KLHL29: variants seen among roughly 807,000 people sequenced by gnomAD.
KLHL29 encodes kelch like family member 29, also known as kelch-like protein 29.
Under a neutral mutation model 80.4 loss-of-function variants are expected in KLHL29, and 21 were observed. That is an observed-to-expected ratio of 0.26 (90% confidence interval 0.19 to 0.38). KLHL29 has a LOEUF of 0.38. Among genes scored for constraint, KLHL29 ranks in the 10% least tolerant of loss-of-function variants. The probability of loss-of-function intolerance (pLI) is 1.00; values close to 1 mark genes in which losing one functional copy is unlikely to be tolerated. For synonymous variants in KLHL29, 511 were observed against 526.8 expected (o/e 0.97, Z 0.41); for missense variants, 867 against 1,223.9 (o/e 0.71, Z 4.35).
Position 23,647,286 on chromosome 2 carries a change from T to C in KLHL29, c.940+4436T>C, listed in dbSNP as rs1669964435. Among the ~76,000 whole-genome samples, 1 of 152,176 alleles carries C rather than the reference T, an allele frequency of 6.6e-6. No homozygotes were observed. Among genetic ancestry groups the C allele is most frequent in the Admixed American group, 6.5e-5 (1 of 15,280 alleles). ...GTTCCTTCCACAGCCTCCATAAATA[T>C]TCTGGAAGAAGCTGGGAATGCATGA... is the stretch of plus-strand genomic sequence containing the variant. On this transcript the variant is annotated intron_variant, in intron 5 of 13. Coordinates refer to ENST00000486442, the MANE Select transcript of KLHL29 (RefSeq NM_052920.2). The surrounding 1 kb of genome is among the most constrained non-coding windows in gnomAD (Gnocchi z 4.9).
At chr2:23,484,239 C>A (rs556708835) in intron 2 of KLHL29, among the ~76,000 whole-genome samples, 1 of 152,176 alleles carries the variant, frequency 6.6e-6, no homozygotes, top group African/African-American at 2.4e-5. Context: ...TATTTTCACC[C>A]TTTCTTGTAA....
intron 1 of KLHL29, among the ~76,000 whole-genome samples, chr2:23,418,867 A>T (rs1662690574): frequency 6.6e-6 from 1 of 152,052 alleles, no homozygotes; most frequent in Admixed American, 6.5e-5. Context: ...GTCAATCCTG[A>T]TCCCCCCTTC....
intron 2 of KLHL29, among the ~76,000 whole-genome samples, chr2:23,487,619 C>G (rs1180226288): frequency 7.2e-5 from 11 of 152,000 alleles, no homozygotes; most frequent in Admixed American, 6.5e-4. Context: ...CAGGACTTGC[C>G]CCCAGTGCCC....
chr2:23,651,469 T>G (rs1190208097), intron 5 of KLHL29, among the ~76,000 whole-genome samples: 1 of 152,030 alleles, frequency 6.6e-6, no homozygotes, highest in Admixed American at 6.5e-5. Context: ...GTGTATTCGT[T>G]TTTCACCAAC....
At chr2:23,537,417 TACACACACAC>T (rs5741924) in intron 2 of KLHL29, among the ~76,000 whole-genome samples, 3,934 of 149,060 alleles carry the variant, frequency 0.026, 76 homozygotes, top group Middle Eastern at 0.045. Context: ...GGGCAGAAAC[TACACACACAC>T]ACACACACAC....
chr2:23,411,308 C>T (rs1389584038), intron 1 of KLHL29, among the ~76,000 whole-genome samples: 1 of 149,686 alleles, frequency 6.7e-6, no homozygotes, highest in Non-Finnish European at 1.5e-5. Flanking sequence ...ACAGATGTGT[C>T]AGAGGAAGTG....
At chr2:23,568,146 GGAA>G (rs1475106473) in intron 3 of KLHL29, among the ~76,000 whole-genome samples, 1 of 151,796 alleles carries the variant, frequency 6.6e-6, no homozygotes, top group Non-Finnish European at 1.5e-5. Flanking sequence ...GCAAAAAGAG[GGAA>G]GAAGATGTAT....
intron 1 of KLHL29, among the ~76,000 whole-genome samples, chr2:23,441,561 T>C (rs1663525086): frequency 6.6e-6 from 1 of 152,016 alleles, no homozygotes; most frequent in African/African-American, 2.4e-5. Context: ...ATTTATTTGC[T>C]CAGAATTCTG....
chr2:23,545,387 G>A (rs537423054), intron 2 of KLHL29, among the ~76,000 whole-genome samples: 2 of 152,334 alleles, frequency 1.3e-5, no homozygotes, highest in Admixed American at 6.5e-5. Flanking sequence ...TATGACACAC[G>A]CAGTTTAAGT....
chr2:23,538,073 C>T (rs966135161), intron 2 of KLHL29, among the ~76,000 whole-genome samples: 1 of 152,108 alleles, frequency 6.6e-6, no homozygotes, highest in Non-Finnish European at 1.5e-5. Context: ...TGGCTGGACC[C>T]CAGTTAGTAT....
intron 2 of KLHL29, among the ~76,000 whole-genome samples, chr2:23,538,264 T>G (rs1394948409): frequency 6.6e-6 from 1 of 152,158 alleles, no homozygotes; most frequent in African/African-American, 2.4e-5. Flanking sequence ...TTCTAAAAGC[T>G]CTCAAGTGAT....
chr2:23,586,720 T>A (rs982391046), intron 3 of KLHL29, among the ~76,000 whole-genome samples: 20 of 152,158 alleles, frequency 1.3e-4, no homozygotes, highest in South Asian at 4.1e-4. Context: ...ATTTAGCTGA[T>A]GTTGGGGAGG....
intron 5 of KLHL29, among the ~76,000 whole-genome samples, chr2:23,661,436 A>AC (rs1422310088): frequency 3.3e-5 from 5 of 150,314 alleles, no homozygotes; most frequent in Middle Eastern, 6.9e-3. Context: ...CTGTATCCCC[A>AC]CCCCCAGACA....
At chr2:23,657,850 C>T (rs1348752971) in intron 5 of KLHL29, among the ~76,000 whole-genome samples, 1 of 152,200 alleles carries the variant, frequency 6.6e-6, no homozygotes, top group Admixed American at 6.5e-5. Flanking sequence ...GCTCCTGAGG[C>T]TCTGGCAGGA....
At chr2:23,577,474 C>T (rs1488135049) in intron 3 of KLHL29, among the ~76,000 whole-genome samples, 1 of 151,082 alleles carries the variant, frequency 6.6e-6, no homozygotes, top group Admixed American at 6.6e-5. Flanking sequence ...GGGCCATGCG[C>T]GGTGGCTCAC....
At chr2:23,618,288 C>T (rs1669073733) in intron 3 of KLHL29, among the ~76,000 whole-genome samples, 1 of 152,094 alleles carries the variant, frequency 6.6e-6, no homozygotes. Context: ...TTTTACATGT[C>T]AACTTGACCA....
intron 5 of KLHL29, among the ~76,000 whole-genome samples, chr2:23,673,736 CA>C (rs35082559): frequency 0.2 from 29,850 of 151,706 alleles, 3,443 homozygotes; most frequent in South Asian, 0.27. Context: ...GGCACATACA[CA>C]GGGGTGCATG....
intron 3 of KLHL29, among the ~76,000 whole-genome samples, chr2:23,630,354 G>A (rs574845335): frequency 1.8e-4 from 27 of 152,328 alleles, no homozygotes; most frequent in African/African-American, 6.5e-4. Flanking sequence ...GGGTCTACTG[G>A]CCACAGCCGG....
At chr2:23,448,166 G>A (rs1663764706) in intron 1 of KLHL29, among the ~76,000 whole-genome samples, 2 of 152,050 alleles carry the variant, frequency 1.3e-5, no homozygotes, top group South Asian at 4.2e-4. Flanking sequence ...GAGAAGACTA[G>A]GAAAGAGGTT....
Sources: allele counts gnomAD v4.1 joint callset (sites outside exome capture counted in the v4.1 genomes callset), GRCh38; gene constraint gnomAD v4.1.1; non-coding constraint Gnocchi (gnomAD v3.1); transcripts MANE v1.5; gene names NCBI Gene and HGNC (gene_info 2026-07-23, HGNC 2026-07-21).